ADAMTS12: variants seen among roughly 807,000 people sequenced by gnomAD.
The protein encoded by ADAMTS12 is A disintegrin and metalloproteinase with thrombospondin motifs 12.
Under a neutral mutation model 167.8 loss-of-function variants are expected in ADAMTS12, and 118 were observed. The observed-to-expected ratio is 0.70, with a 90% CI of 0.61 to 0.82. ADAMTS12 has a LOEUF of 0.82. Among genes scored for constraint, ADAMTS12 ranks in the 40% least tolerant of loss-of-function variants. The pLI is 0.00. For missense variants in ADAMTS12, 1,916 were observed against 1,998.8 expected (o/e 0.96, Z 0.79); for synonymous variants, 704 against 716.9 (o/e 0.98, Z 0.29).
chr5:33,863,650 A>G (rs779275461), intron 2 of ADAMTS12, among the ~76,000 whole-genome samples: 2 of 152,214 alleles, frequency 1.3e-5, no homozygotes, highest in African/African-American at 2.4e-5. Flanking sequence ...TATAGATTCA[A>G]TGCTATCCCC....
intron 1 of ADAMTS12, among the ~76,000 whole-genome samples, chr5:33,890,685 GTGCGTGTGCA>G (rs1393813255): frequency 1.3e-5 from 2 of 152,196 alleles, no homozygotes; most frequent in Non-Finnish European, 2.9e-5. Context: ...AGTGCTCTGT[GTGCGTGTGCA>G]TGCGTGTGGG....
intron 3 of ADAMTS12, among the ~76,000 whole-genome samples, chr5:33,686,683 A>G (rs1000368332): frequency 1.4e-4 from 20 of 147,790 alleles, no homozygotes; most frequent in South Asian, 2.5e-4. Flanking sequence ...TTATAAGGAA[A>G]GGAAGAGACA....
chr5:33,649,414 C>T (rs1740793919), intron 8 of ADAMTS12, 140 bp downstream of exon 8: 1 of 1,062,026 alleles, frequency 9.4e-7, no homozygotes, highest in Non-Finnish European at 1.3e-6. Context: ...GAAATCCGCC[C>T]CTTCTGATGC....
At chr5:33,637,351 C>T (rs557495640) in intron 12 of ADAMTS12, among the ~76,000 whole-genome samples, 9 of 152,304 alleles carry the variant, frequency 5.9e-5, no homozygotes, top group African/African-American at 1.7e-4. Context: ...GTTTTATAAA[C>T]TTCTTTTATC....
At position 33,810,364 on chromosome 5, in the gene ADAMTS12, A is replaced by G. The variant is rs114192337; in HGVS notation, c.490-58816T>C. Among the ~76,000 whole-genome samples, 1,155 of 152,354 alleles carry G rather than the reference A, an allele frequency of 7.6e-3. 14 individuals are homozygous for G. The highest frequency in any genetic ancestry group is 0.026 in the African/African-American group (1,098 of 41,576). ...GTGGGGCAAGTTTTAATCAGGCATA[A>G]CAACTACGTTTCATTTTCTCTTCCA... is the stretch of plus-strand genomic sequence containing the variant. On this transcript the variant is annotated intron_variant, in intron 2 of 23. Coordinates refer to ENST00000504830, the MANE Select transcript of ADAMTS12 (RefSeq NM_030955.4).
At position 33,546,170 on chromosome 5, in the gene ADAMTS12, C is replaced by G; in HGVS notation, c.4335G>C (p.Glu1445Asp). 6.2e-7 allele frequency: 1 copy of G among 1,613,804 alleles called. No individual in the cohort carries two copies. The highest frequency in any genetic ancestry group is 8.5e-7 in the Non-Finnish European group (1 of 1,179,914). The change falls in exon 22 of 24, where the codon GAG (glutamate) becomes GAC (aspartate). Residue 1445 changes from glutamate to aspartate, a missense_variant. Physicochemically the swap from Glu to Asp is conservative, Grantham distance 45. Transcript: ENST00000504830. ...CSRSCGGGVQ[E>D]RGVFCPGGLC... ...GGCCTCCTGGACAGAACACTCCTCT[C>G]TCCTGAACTCCACCTCCACAGGACC...
chr5:33,733,386 G>A (rs1294209829), intron 3 of ADAMTS12, among the ~76,000 whole-genome samples: 2 of 152,202 alleles, frequency 1.3e-5, no homozygotes, highest in Admixed American at 6.5e-5. Flanking sequence ...TTTTAACAGC[G>A]TGAGCCTGAG....
intron 18 of ADAMTS12, among the ~76,000 whole-genome samples, chr5:33,580,094 A>T (rs1262174508): frequency 6.6e-6 from 1 of 152,252 alleles, no homozygotes; most frequent in East Asian, 1.9e-4. Context: ...CAAATTTACC[A>T]ATAACAAGAA....
At chr5:33,807,977 C>T (rs1055358956) in intron 2 of ADAMTS12, among the ~76,000 whole-genome samples, 2 of 152,110 alleles carry the variant, frequency 1.3e-5, no homozygotes, top group South Asian at 4.1e-4. Flanking sequence ...CAAGTGATTA[C>T]AGCATATTGG....
chr5:33,857,449 G>C (rs1419913887), intron 2 of ADAMTS12, among the ~76,000 whole-genome samples: 1 of 151,504 alleles, frequency 6.6e-6, no homozygotes, highest in Non-Finnish European at 1.5e-5. Flanking sequence ...ATGGTAAAAT[G>C]GTAATTAATA....
At chr5:33,622,712 A>G (rs1424336782) in intron 14 of ADAMTS12, among the ~76,000 whole-genome samples, 2 of 151,450 alleles carry the variant, frequency 1.3e-5, no homozygotes, top group African/African-American at 4.8e-5. Context: ...TACGATTTTA[A>G]GTGTAACTTT....
At chr5:33,791,920 T>C (rs186422478) in intron 2 of ADAMTS12, among the ~76,000 whole-genome samples, 1 of 152,118 alleles carries the variant, frequency 6.6e-6, no homozygotes, top group Non-Finnish European at 1.5e-5. Flanking sequence ...TGTCTCTTTG[T>C]CCATAGGTCC....
chr5:33,719,849 T>C (rs1208232467), intron 3 of ADAMTS12, among the ~76,000 whole-genome samples: 2 of 152,184 alleles, frequency 1.3e-5, no homozygotes, highest in Non-Finnish European at 2.9e-5. Flanking sequence ...TTTCTGCCCA[T>C]AGCCTAATAC....
chr5:33,691,742 G>A (rs139885519), intron 3 of ADAMTS12, among the ~76,000 whole-genome samples: 243 of 152,286 alleles, frequency 1.6e-3, no homozygotes, highest in African/African-American at 3.6e-3. Flanking sequence ...CTGGAACTCC[G>A]TGTCTACCTC....
intron 1 of ADAMTS12, among the ~76,000 whole-genome samples, chr5:33,890,145 C>T (rs1052729009): frequency 2.0e-5 from 3 of 152,114 alleles, no homozygotes; most frequent in African/African-American, 7.2e-5. Flanking sequence ...CTGCTTCACA[C>T]CAAGCTGAAT....
chr5:33,769,211 C>G (rs1207888243), intron 2 of ADAMTS12, among the ~76,000 whole-genome samples: 1 of 152,034 alleles, frequency 6.6e-6, no homozygotes, highest in Admixed American at 6.5e-5. Flanking sequence ...CAAGAGCCTG[C>G]AGAAGAAACA....
chr5:33,673,497 C>T (rs1343830792), intron 5 of ADAMTS12, among the ~76,000 whole-genome samples: 1 of 152,150 alleles, frequency 6.6e-6, no homozygotes, highest in African/African-American at 2.4e-5. Context: ...CCCCTCTCCT[C>T]CTATATCCTG....
chr5:33,822,193 A>T (rs1422898379), intron 2 of ADAMTS12, among the ~76,000 whole-genome samples: 3 of 152,156 alleles, frequency 2.0e-5, no homozygotes, highest in South Asian at 4.1e-4. Context: ...GAAATGCCTT[A>T]AATCCTGATT....
chr5:33,884,016 G>A (rs1353314756), intron 1 of ADAMTS12, among the ~76,000 whole-genome samples: 2 of 152,158 alleles, frequency 1.3e-5, no homozygotes, highest in Admixed American at 6.5e-5. Context: ...TCCAGGGCTC[G>A]AACAGTGAAG....
Sources: allele counts gnomAD v4.1 joint callset (sites outside exome capture counted in the v4.1 genomes callset), GRCh38; gene constraint gnomAD v4.1.1; transcripts MANE v1.5; gene names NCBI Gene and HGNC (gene_info 2026-07-23, HGNC 2026-07-21).